The following UBR4 variants were observed in gnomAD, a reference collection of about 807,000 sequenced individuals.
The protein encoded by UBR4 is ubiquitin protein ligase E3 component n-recognin 4, also known as E3 ubiquitin-protein ligase UBR4.
A neutral mutation model predicts 575.6 loss-of-function variants in UBR4; 124 were observed. That is an observed-to-expected ratio of 0.22 (90% CI 0.19 to 0.25). UBR4 has a LOEUF of 0.25. Ranked by LOEUF, UBR4 falls within the 10% of genes least tolerant of loss-of-function variation. The probability of loss-of-function intolerance (pLI) is 1.00; values close to 1 mark genes in which losing one functional copy is unlikely to be tolerated. For missense variants in UBR4, 4,818 were observed against 6,478.8 expected (o/e 0.74, Z 8.80); for synonymous variants, 2,455 against 2,473.7 (o/e 0.99, Z 0.22).
chr1:19,084,479 C>T (rs553513000), intron 102 of UBR4, 25 bp downstream of exon 102: 59 of 1,579,148 alleles, frequency 3.7e-5, no homozygotes, highest in East Asian at 3.0e-4. Flanking sequence ...TGCGAGATGC[C>T]GCCCCTGGGA....
intron 32 of UBR4, 119 bp from the exon 33 acceptor site, chr1:19,164,560 G>A (rs1309077805): frequency 7.3e-6 from 9 of 1,237,656 alleles, no homozygotes; most frequent in Non-Finnish European, 1.0e-5. Flanking sequence ...CCCAGCTTTG[G>A]ACTTGGGCTA....
Position 19,114,883 on chromosome 1 carries a change from G to A in UBR4, c.11130C>T (p.Arg3710=). Residue 3710 remains arginine (R), a synonymous_variant, in exon 75 of 106, where the codon CGC becomes CGT. Transcript: ENST00000375254. ...CNACGFCKYA[R]FDFMLYAKPC... ...GCTTGGCATAGAGCATGAAGTCGAA[G>A]CGGGCATATTTACAGAAGCCACAGG... The A allele has an allele frequency of 1.9e-6, 3 of 1,614,204 alleles. No homozygotes were observed. The highest frequency in any genetic ancestry group is 2.5e-6 in the Non-Finnish European group (3 of 1,180,030).
At chr1:19,143,259 G>GAAAGAAAGA (rs1553178235) in intron 55 of UBR4, among the ~76,000 whole-genome samples, 1 of 91,628 alleles carries the variant, frequency 1.1e-5, no homozygotes, top group African/African-American at 4.1e-5. Flanking sequence ...AGGAAGGAAG[G>GAAAGAAAGA]AAGAAAGAAA....
At chr1:19,196,432 C>T (rs1261757512) in intron 8 of UBR4, among the ~76,000 whole-genome samples, 1 of 152,156 alleles carries the variant, frequency 6.6e-6, no homozygotes, top group African/African-American at 2.4e-5. Flanking sequence ...ACCAAGTAAA[C>T]TTCTGAAATT....
Position 19,168,046 on chromosome 1 carries a change from A to T in UBR4, c.3880T>A (p.Leu1294Met). 6.2e-7 allele frequency: 1 copy of T among 1,613,174 alleles called. No individual in the cohort carries two copies. Residue 1294 changes from leucine to methionine, a missense_variant, in exon 28 of 106, where the codon TTG becomes ATG. By Grantham distance (15) the Leu-to-Met change is conservative (BLOSUM62 2). Coordinates refer to ENST00000375254, the MANE Select transcript of UBR4 (RefSeq NM_020765.3). ...ACTTACACAATAAGATCTCCAGTCA[A>T]CCTGACCAGTGAGAGGAGGGTATGC... ...LKHTLLSLVR[L>M]TGDLIVWSDE... is the part of the protein sequence containing the mutation.
intron 17 of UBR4, among the ~76,000 whole-genome samples, chr1:19,181,634 A>G (rs2090970164): frequency 6.6e-6 from 1 of 152,176 alleles, no homozygotes; most frequent in African/African-American, 2.4e-5. Flanking sequence ...CTATAATAGT[A>G]CCTGGCACAT....
chr1:19,132,605 TAA>T lies in UBR4; in HGVS notation c.8907-3533_8907-3532del. On this transcript the variant is annotated intron_variant, in intron 60 of 105. Coordinates refer to ENST00000375254, the MANE Select transcript of UBR4 (RefSeq NM_020765.3). Reference sequence around the variant, plus strand: ...ACAACAAAAAAAAAGTAAAAAATGGTAAAAAAAAAAAAAAAAAAAAGTAAGTA... The same window carrying T: ...ACAACAAAAAAAAAGTAAAAAATGGTAAAAAAAAAAAAAAAAAAGTAAGTA... Among the ~76,000 whole-genome samples, 74 of 24,092 alleles carry T rather than the reference TAA, an allele frequency of 3.1e-3. 2 individuals carry two copies. Among genetic ancestry groups the T allele is most frequent in the Admixed American group, 4.6e-3 (9 of 1,978 alleles). 15.8% of individuals were successfully genotyped at this position (24,092 alleles called of 152,430 possible).
intron 78 of UBR4, among the ~76,000 whole-genome samples, chr1:19,111,468 G>C (rs1387382409): frequency 6.6e-6 from 1 of 152,150 alleles, no homozygotes; most frequent in Non-Finnish European, 1.5e-5. Context: ...GCAGGTGCCT[G>C]CTCTCAACTA....
At position 19,074,838 on chromosome 1, in the gene UBR4, G is replaced by A; in HGVS notation, c.15546C>T (p.Val5182=). ...ESFLKDLLNS[V]P is the part of the protein sequence containing the mutation. The stretch of plus-strand genomic sequence containing the variant: ...CGCAGCTGCTGTGTGGTGGTCAGGG[G>A]ACTGAGTTCAACAGGTCCTTCAGGA... Residue 5182 remains valine, a synonymous_variant, in exon 106 of 106, where the codon GTC becomes GTT. Transcript: ENST00000375254. The A allele has an allele frequency of 6.2e-7, 1 of 1,614,108 alleles. No homozygotes were observed. Among genetic ancestry groups the A allele is most frequent in the Non-Finnish European group, 8.5e-7 (1 of 1,180,012 alleles).
intron 60 of UBR4, among the ~76,000 whole-genome samples, chr1:19,130,734 C>T (rs539660642): frequency 6.6e-6 from 1 of 152,040 alleles, no homozygotes; most frequent in Admixed American, 6.6e-5. Flanking sequence ...AGCAGCAGTT[C>T]AATAGTTTGA....
At chr1:19,141,315 T>C (rs760848681) in intron 57 of UBR4, 32 bp downstream of exon 57, 3 of 1,614,032 alleles carry the variant, frequency 1.9e-6, no homozygotes, top group East Asian at 4.5e-5. Flanking sequence ...GCAAGGCCAA[T>C]GGGCCGCTTT....
Position 19,100,337 on chromosome 1 carries a change from T to C in UBR4, c.13221+39A>G. ...TTTGGTTAGCCTAGGAGGAAGCCCC[T>C]AATCGTAAACGTGGGCAGCACTGTC... On this transcript the variant is annotated intron_variant, in intron 89 of 105. Coordinates refer to ENST00000375254, the MANE Select transcript of UBR4 (RefSeq NM_020765.3). This position sits in a 1 kb window ranked among gnomAD's most constrained non-coding sequence, Gnocchi z 4.2. 1 of 1,610,290 alleles carries C rather than the reference T, an allele frequency of 6.2e-7. No individual in the cohort carries two copies. Among genetic ancestry groups the C allele is most frequent in the Non-Finnish European group, 8.5e-7 (1 of 1,177,580 alleles).
chr1:19,183,036 G>A (rs2091165043), intron 17 of UBR4, among the ~76,000 whole-genome samples: 1 of 152,182 alleles, frequency 6.6e-6, no homozygotes. Flanking sequence ...CAACGTCCTA[G>A]ATTTTGTTTT....
At position 19,128,294 on chromosome 1, in the gene UBR4, G is replaced by A. The variant is rs2082037522; in HGVS notation, c.9028C>T (p.Leu3010=). The A allele has an allele frequency of 3.1e-6, 5 of 1,613,902 alleles. No individual in the cohort carries two copies. In the South Asian group the frequency reaches 3.3e-5, roughly 11 times the overall value. The part of the protein sequence containing the change: ...MQVILMLTTD[L]DGEDEKDKGA... ...TTGTCTTTCTCATCTTCTCCATCCA[G>A]ATCTGTAGTGAGCATTAGAATGACC... The change falls in exon 62 of 106, where the codon CTG becomes TTG. Residue 3010 remains leucine, a synonymous_variant. Coordinates refer to ENST00000375254, the MANE Select transcript of UBR4 (RefSeq NM_020765.3).
chr1:19,176,280 G>A (rs775923127), intron 20 of UBR4, among the ~76,000 whole-genome samples: 1 of 151,524 alleles, frequency 6.6e-6, no homozygotes, highest in Non-Finnish European at 1.5e-5. Flanking sequence ...TTTCAGTAGA[G>A]ATGGGGTTTC....
At position 19,144,085 on chromosome 1, in the gene UBR4, C is replaced by T. The variant is rs774043289; in HGVS notation, c.8074G>A (p.Ala2692Thr). The stretch of plus-strand genomic sequence containing the variant: ...GCTTGTTTACAAGAGAAGCTCACAG[C>T]AGGATCCTGAGGTTTAAAAGGAAAC... ...YMQMLLCPDP[A>T]VSFSCKQALI... Residue 2692 changes from alanine (A) to threonine (T), a missense_variant, in exon 55 of 106, where the codon GCT (alanine) becomes ACT (threonine). Around this residue, in one of 29 missense-constraint regions of UBR4, gnomAD observed 340 missense variants for 375.4 expected, o/e 0.91. Transcript: ENST00000375254. 13 of 1,613,692 alleles carry T rather than the reference C, an allele frequency of 8.1e-6. No homozygotes were observed. The African/African-American group carries it at 1.6e-4, about 20-fold the overall frequency.
At chr1:19,198,752 T>C (rs1490783926) in intron 4 of UBR4, 47 bp downstream of exon 4, 1 of 1,612,470 alleles carries the variant, frequency 6.2e-7, no homozygotes, top group Non-Finnish European at 8.5e-7. Flanking sequence ...ATGGAAAAGG[T>C]GCCATGGGGG....
At chr1:19,210,014 C>T (rs1026522896) in intron 1 of UBR4, 59 bp downstream of exon 1, 1 of 1,477,296 alleles carries the variant, frequency 6.8e-7, no homozygotes, top group Non-Finnish European at 9.0e-7. Context: ...TCCAGACGAT[C>T]CGGCTCGAAA....
chr1:19,096,476 C>A, intron 92 of UBR4, 47 bp downstream of exon 92: 1 of 1,595,504 alleles, frequency 6.3e-7, no homozygotes, highest in Admixed American at 1.7e-5. Context: ...AGGGGCCTCT[C>A]CCAGTGCAGA....
Sources: gnomAD v4.1 joint callset for allele counts (sites outside exome capture counted in the v4.1 genomes callset) on GRCh38, gnomAD v4.1.1 for gene constraint, gnomAD v4.1.1 regional missense constraint, Gnocchi (gnomAD v3.1) non-coding constraint, MANE v1.5 for transcripts, NCBI Gene and HGNC (gene_info 2026-07-23, HGNC 2026-07-21) for gene names.